PTPRN2: variants seen among roughly 807,000 people sequenced by gnomAD.
PTPRN2 encodes the protein receptor-type tyrosine-protein phosphatase N2.
In PTPRN2, 74 loss-of-function variants were observed where a neutral mutation model predicts 118.8. That is an observed-to-expected ratio of 0.62 (90% CI 0.52 to 0.76). PTPRN2 has a LOEUF of 0.76. PTPRN2 is among the 30% of genes least tolerant of loss of function. The pLI is 0.00. For missense variants in PTPRN2, 1,481 were observed against 1,394.4 expected (o/e 1.06, Z -0.99); for synonymous variants, 641 against 608.0 (o/e 1.05, Z -0.80).
chr7:158,092,876 G>A (rs1185218584), intron 10 of PTPRN2, among the ~76,000 whole-genome samples: 1 of 152,124 alleles, frequency 6.6e-6, no homozygotes, highest in Non-Finnish European at 1.5e-5. Context: ...TGAGTAGGTG[G>A]GCGCAAACCA....
intron 1 of PTPRN2, among the ~76,000 whole-genome samples, chr7:158,576,088 G>C (rs1055272017): frequency 6.6e-6 from 1 of 151,642 alleles, no homozygotes; most frequent in Non-Finnish European, 1.5e-5. Flanking sequence ...TACTTTCCCC[G>C]CTGGAAGAGC....
rs1020692117 is a variant in PTPRN2, at chr7:157,542,778, G to A, written c.2977-1993C>T. ...GCTCAAAGGAGAAGCTCCACCGGGC[G>A]TGTGGGCTGGTGTGTGCCGTGCACC... On this transcript the variant is annotated intron_variant, in intron 22 of 22. Transcript: ENST00000389418. Among the ~76,000 whole-genome samples, 5 of 152,212 alleles carry A rather than the reference G, an allele frequency of 3.3e-5. No homozygotes were observed. In the South Asian group the frequency reaches 6.2e-4, roughly 19 times the overall value.
chr7:157,603,133 G>A lies in PTPRN2; in HGVS notation c.2418+869C>T, dbSNP rs2150580514. Among the ~76,000 whole-genome samples the A allele has an allele frequency of 6.6e-6, 1 of 152,082 alleles. No homozygotes were observed. Among genetic ancestry groups the A allele is most frequent in the South Asian group, 2.1e-4 (1 of 4,816 alleles). On this transcript the variant is annotated intron_variant, in intron 16 of 22. Coordinates refer to ENST00000389418, the MANE Select transcript of PTPRN2 (RefSeq NM_002847.5). The surrounding 1 kb of genome is among the most constrained non-coding windows in gnomAD (Gnocchi z 5.4). ...GTCTCCAAAGCCCCGGCCCTGGACA[G>A]TGTCCCATCCCGCCCCCGCCACCTG...
intron 6 of PTPRN2, among the ~76,000 whole-genome samples, chr7:158,156,786 G>A (rs1821859791): frequency 6.6e-6 from 1 of 152,264 alleles, no homozygotes; most frequent in Admixed American, 6.5e-5. Flanking sequence ...CATGTAATCA[G>A]CGGTCTCCAT....
At chr7:157,883,316 T>C (rs1183963083) in intron 12 of PTPRN2, among the ~76,000 whole-genome samples, 49 of 115,718 alleles carry the variant, frequency 4.2e-4, no homozygotes, top group Middle Eastern at 7.6e-3. Flanking sequence ...TTGTTGGAGA[T>C]CAGAACACAC....
intron 12 of PTPRN2, among the ~76,000 whole-genome samples, chr7:157,757,251 C>T (rs1202787335): frequency 6.6e-6 from 1 of 150,688 alleles, no homozygotes; most frequent in African/African-American, 2.5e-5. Flanking sequence ...TGAGTCTGCA[C>T]CGTGCAGGCA....
rs1300392495 is a variant in PTPRN2, at chr7:158,259,998, TTGTG to T, written c.278-54729_278-54726del. On this transcript the variant is annotated intron_variant, in intron 3 of 22. Coordinates refer to ENST00000389418, the MANE Select transcript of PTPRN2 (RefSeq NM_002847.5). Reference sequence around the variant, plus strand: ...TTTGTGTACACATATGTGAATGTGTTTGTGTGTCCATGTGTCCCTGGTGTACATG... The same window carrying T: ...TTTGTGTACACATATGTGAATGTGTTTGTCCATGTGTCCCTGGTGTACATG... Among the ~76,000 whole-genome samples the T allele has an allele frequency of 5.3e-5, 8 of 151,506 alleles. No homozygotes were observed. The East Asian group carries it at 1.6e-3, about 30-fold the overall frequency.
intron 11 of PTPRN2, among the ~76,000 whole-genome samples, chr7:157,952,059 GCTC>G (rs1415096719): frequency 6.6e-6 from 1 of 152,208 alleles, no homozygotes; most frequent in Non-Finnish European, 1.5e-5. Context: ...CCAGGTGCCT[GCTC>G]TCCTTGTTCT....
At chr7:157,807,462 G>A (rs1018100114) in intron 12 of PTPRN2, among the ~76,000 whole-genome samples, 7 of 152,232 alleles carry the variant, frequency 4.6e-5, no homozygotes, top group Admixed American at 1.3e-4. Flanking sequence ...GGGCCCAGAT[G>A]TCTCCTCTGG....
At chr7:158,071,160 TGGTGGAGGTG>T (rs1434480765) in intron 11 of PTPRN2, among the ~76,000 whole-genome samples, 1 of 48,034 alleles carries the variant, frequency 2.1e-5, no homozygotes, top group Non-Finnish European at 4.1e-5. Flanking sequence ...GAGGTGCTCG[TGGTGGAGGTG>T]CTCTTAGTAT....
At chr7:158,090,613 G>A (rs1245907928) in intron 10 of PTPRN2, among the ~76,000 whole-genome samples, 1 of 152,176 alleles carries the variant, frequency 6.6e-6, no homozygotes, top group African/African-American at 2.4e-5. Context: ...AAGAAGAGAA[G>A]TGACATCTAG....
intron 11 of PTPRN2, among the ~76,000 whole-genome samples, chr7:157,976,511 A>C (rs986856753): frequency 6.7e-6 from 1 of 150,240 alleles, no homozygotes; most frequent in Non-Finnish European, 1.5e-5. Flanking sequence ...GTTCTCGCCC[A>C]CTCTGCCCAG....
Position 157,866,528 on chromosome 7 carries a change from C to T in PTPRN2, c.1788+32145G>A, listed in dbSNP as rs117198257. 6.4e-3 allele frequency among the ~76,000 whole-genome samples: 973 copies of T among 152,168 alleles called. 50 individuals are homozygous for T. The East Asian group carries it at 0.12, about 19-fold the overall frequency. Reference sequence around the variant, plus strand: ...ACAGTGCTCATGACCTACTAAACAGCGCATGTGCCTCTCAGCCCTTGCCAT... The same window carrying T: ...ACAGTGCTCATGACCTACTAAACAGTGCATGTGCCTCTCAGCCCTTGCCAT... On this transcript the variant is annotated intron_variant, in intron 12 of 22. Coordinates refer to ENST00000389418, the MANE Select transcript of PTPRN2 (RefSeq NM_002847.5).
chr7:158,479,895 G>C (rs988022631), intron 2 of PTPRN2, among the ~76,000 whole-genome samples: 1 of 152,256 alleles, frequency 6.6e-6, no homozygotes, highest in South Asian at 2.1e-4. Flanking sequence ...GGGAGCGGGG[G>C]CTCCTGCTCT....
chr7:158,050,865 C>T (rs1418906446), intron 11 of PTPRN2, among the ~76,000 whole-genome samples: 1 of 152,232 alleles, frequency 6.6e-6, no homozygotes, highest in Admixed American at 6.5e-5. Flanking sequence ...CCTCAGCAGC[C>T]CCGTCTGGGT....
Position 158,059,208 on chromosome 7 carries a change from C to T in PTPRN2, c.1723+22090G>A, listed in dbSNP as rs556436794. On this transcript the variant is annotated intron_variant, in intron 11 of 22. Coordinates refer to ENST00000389418, the MANE Select transcript of PTPRN2 (RefSeq NM_002847.5). ...TCACTGCAGCCACACTCCATCTGCC[C>T]ACAGTGAGACATCACTGCAGCCACA... Among the ~76,000 whole-genome samples the T allele has an allele frequency of 3.3e-5, 4 of 120,510 alleles. No homozygotes were observed. The East Asian group carries it at 1.1e-3, about 34-fold the overall frequency. 79.1% of individuals were successfully genotyped at this position (120,510 alleles called of 152,430 possible). A position where few individuals can be genotyped will look rare whatever the true frequency, so the allele number is the denominator to read the frequency against.
intron 3 of PTPRN2, among the ~76,000 whole-genome samples, chr7:158,220,158 A>T (rs1162280795): frequency 3.3e-5 from 5 of 152,122 alleles, no homozygotes; most frequent in African/African-American, 1.2e-4. Context: ...ACAAAGATAA[A>T]AGGAATATGC....
At chr7:157,592,012 C>G (rs1014360843) in intron 17 of PTPRN2, among the ~76,000 whole-genome samples, 6 of 152,164 alleles carry the variant, frequency 3.9e-5, no homozygotes, top group Non-Finnish European at 8.8e-5. Flanking sequence ...GAGCTCTTGT[C>G]TTAGAAAAGC....
At chr7:157,997,292 G>A (rs1804825370) in intron 11 of PTPRN2, among the ~76,000 whole-genome samples, 1 of 152,246 alleles carries the variant, frequency 6.6e-6, no homozygotes, top group Admixed American at 6.5e-5. Flanking sequence ...TGAGGTCACA[G>A]CACCTGGGTC....
Sources: gnomAD v4.1 joint callset for allele counts (sites outside exome capture counted in the v4.1 genomes callset) on GRCh38, gnomAD v4.1.1 for gene constraint, Gnocchi (gnomAD v3.1) non-coding constraint, MANE v1.5 for transcripts, NCBI Gene and HGNC (gene_info 2026-07-23, HGNC 2026-07-21) for gene names.